Variants in CHN2 observed in about 807,000 individuals in gnomAD.
CHN2 encodes chimerin 2, also known as beta-chimaerin.
In CHN2, 35 loss-of-function variants were observed where a neutral mutation model predicts 56.3. The ratio of observed to expected loss-of-function variants is 0.62; its 90% CI spans 0.47 to 0.82. The LOEUF is 0.82. Among genes scored for constraint, CHN2 ranks in the 40% least tolerant of loss-of-function variants. The probability of loss-of-function intolerance (pLI) is 0.00; values close to 1 mark genes in which losing one functional copy is unlikely to be tolerated. For synonymous variants in CHN2, 210 were observed against 212.8 expected, an observed-to-expected ratio of 0.99 and a Z score of 0.12; for missense variants, 491 against 580.5, an observed-to-expected ratio of 0.85 and a Z score of 1.58.
intron 6 of CHN2, among the ~76,000 whole-genome samples, chr7:29,408,322 C>G (rs997264182): frequency 1.4e-4 from 22 of 152,146 alleles, no homozygotes; most frequent in African/African-American, 4.3e-4. Context: ...AGGTGATTGT[C>G]AAGTGCAGGG....
At chr7:29,189,243 C>A (rs940110516) in intron 2 of CHN2, among the ~76,000 whole-genome samples, 1 of 152,100 alleles carries the variant, frequency 6.6e-6, no homozygotes, top group Non-Finnish European at 1.5e-5. Context: ...TGAGCCACCG[C>A]GCCCAGCCAG....
intron 6 of CHN2, among the ~76,000 whole-genome samples, chr7:29,419,563 A>C (rs1804123055): frequency 1.3e-5 from 2 of 152,218 alleles, no homozygotes; most frequent in South Asian, 4.1e-4. Context: ...GAATGGGACA[A>C]AATATTGCAA....
chr7:29,429,948 T>C (rs1047699532), intron 6 of CHN2, among the ~76,000 whole-genome samples: 3 of 152,202 alleles, frequency 2.0e-5, no homozygotes, highest in African/African-American at 7.2e-5. Context: ...TAATTGGCAG[T>C]ATAAGACCTC....
intron 1 of CHN2, among the ~76,000 whole-genome samples, chr7:29,247,639 C>T (rs1222093001): frequency 6.6e-6 from 1 of 152,166 alleles, no homozygotes; most frequent in Non-Finnish European, 1.5e-5. Context: ...GAAAACAAAA[C>T]AAAATACGCA....
At chr7:29,273,378 T>TAC (rs1159430285) in intron 1 of CHN2, among the ~76,000 whole-genome samples, 2 of 59,820 alleles carry the variant, frequency 3.3e-5, no homozygotes, top group African/African-American at 1.6e-4. Flanking sequence ...TATATATATA[T>TAC]ATATATATAT....
intron 1 of CHN2, among the ~76,000 whole-genome samples, chr7:29,218,105 A>G (rs1310397819): frequency 6.6e-6 from 1 of 152,150 alleles, no homozygotes; most frequent in Non-Finnish European, 1.5e-5. Context: ...GGAAACAATG[A>G]ATTGGAACTA....
At chr7:29,309,257 G>A (rs1473786759) in intron 1 of CHN2, among the ~76,000 whole-genome samples, 1 of 152,128 alleles carries the variant, frequency 6.6e-6, no homozygotes, top group Non-Finnish European at 1.5e-5. Context: ...ACCGCTCTTT[G>A]GGTTGTAGAA....
intron 6 of CHN2, among the ~76,000 whole-genome samples, chr7:29,461,996 A>G (rs1187982446): frequency 1.3e-5 from 2 of 152,240 alleles, no homozygotes; most frequent in Admixed American, 1.3e-4. Flanking sequence ...ATTTGTGTCT[A>G]TAAATTCCCA....
At position 29,146,673 on chromosome 7, in the gene CHN2, T is replaced by A. The variant is rs762806698; in HGVS notation, c.90T>A (p.His30Gln). 3.9e-6 allele frequency: 6 copies of A among 1,550,644 alleles called. 1 individual carries two copies. In the South Asian group the frequency reaches 7.1e-5, roughly 18 times the overall value. ...GGCCGCATCAAGTCAGCGCTTCCCA[T>A]GCTGGAAGAAGCAAGCAGCCCCAGG... is the stretch of plus-strand genomic sequence containing the variant. Residue 30 changes from histidine (H) to glutamine (Q), a missense_variant, in exon 1 of 7, where the codon CAT (histidine) becomes CAA (glutamine). Physicochemically the swap from His to Gln is conservative, Grantham distance 24 (BLOSUM62 0). Coordinates refer to the CHN2 transcript ENST00000439384.
chr7:29,180,515 G>GACAGAGCA (rs1384519695), intron 2 of CHN2, among the ~76,000 whole-genome samples: 4 of 150,368 alleles, frequency 2.7e-5, no homozygotes, highest in African/African-American at 4.9e-5. Context: ...GCGACAGAGC[G>GACAGAGCA]ACAGAGCAAC....
At chr7:29,378,405 G>C (rs1420709778) in intron 3 of CHN2, among the ~76,000 whole-genome samples, 1 of 152,310 alleles carries the variant, frequency 6.6e-6, no homozygotes, top group Non-Finnish European at 1.5e-5. Context: ...CCTGAAACTG[G>C]TTTTTGGAGA....
intron 7 of CHN2, 61 bp downstream of exon 7, chr7:29,480,417 ATAGTTTCCGTCTGGTTTCTGACTG>A: frequency 6.6e-7 from 1 of 1,512,834 alleles, no homozygotes; most frequent in South Asian, 1.1e-5. Flanking sequence ...GGTACAGTGT[ATAGTTTCCGTCTGGTTTCTGACTG>A]TAAAGTCAAG....
At chr7:29,408,198 A>T (rs544558677) in intron 6 of CHN2, among the ~76,000 whole-genome samples, 25 of 151,742 alleles carry the variant, frequency 1.6e-4, no homozygotes, top group Admixed American at 8.5e-4. Context: ...TCAAAAAAAA[A>T]AAATAAATTA....
At chr7:29,416,876 T>C (rs1236065389) in intron 6 of CHN2, among the ~76,000 whole-genome samples, 4 of 152,208 alleles carry the variant, frequency 2.6e-5, no homozygotes, top group Non-Finnish European at 5.9e-5. Context: ...TAAGTAGTGA[T>C]TGCTTTGATG....
At chr7:29,507,167 C>G in intron 10 of CHN2, 61 bp from the exon 11 acceptor site, 1 of 1,208,754 alleles carries the variant, frequency 8.3e-7, no homozygotes, top group Non-Finnish European at 1.1e-6. Flanking sequence ...TTTTTCCTTT[C>G]TGTACATGCC....
At chr7:29,373,734 A>G (rs1250565857) in intron 3 of CHN2, among the ~76,000 whole-genome samples, 5 of 152,154 alleles carry the variant, frequency 3.3e-5, no homozygotes, top group East Asian at 1.9e-4. Context: ...AGACTTCACA[A>G]TCTTGTAGCT....
At chr7:29,293,834 A>T (rs1055315799) in intron 1 of CHN2, among the ~76,000 whole-genome samples, 1 of 147,418 alleles carries the variant, frequency 6.8e-6, no homozygotes, top group African/African-American at 2.5e-5. Flanking sequence ...GTCTCTGTGC[A>T]TATAAGCTCC....
upstream of CHN2, among the ~76,000 whole-genome samples, chr7:29,191,332 G>A (rs138904283): frequency 2.6e-4 from 40 of 152,324 alleles, no homozygotes; most frequent in Non-Finnish European, 4.6e-4. Flanking sequence ...AGATGGACTA[G>A]AGAAATCCAA....
At chr7:29,480,142 A>AG in intron 6 of CHN2, 137 bp from the exon 7 acceptor site, 1 of 1,566,572 alleles carries the variant, frequency 6.4e-7, no homozygotes, top group Non-Finnish European at 8.7e-7. Flanking sequence ...CTGGAAAATG[A>AG]GAAAAAGTGT....
Sources: allele counts gnomAD v4.1 joint callset (sites outside exome capture counted in the v4.1 genomes callset), GRCh38; gene constraint gnomAD v4.1.1; transcripts MANE v1.5; gene names NCBI Gene and HGNC (gene_info 2026-07-23, HGNC 2026-07-21).